JAZF1: variants seen among roughly 807,000 people sequenced by gnomAD.
JAZF1 encodes juxtaposed with another zinc finger protein 1.
Under a neutral mutation model 26.4 loss-of-function variants are expected in JAZF1, and 8 were observed. The observed-to-expected ratio is 0.30, with a 90% CI of 0.18 to 0.55. The LOEUF (loss-of-function observed/expected upper bound fraction) is 0.55, where lower values mean the gene tolerates loss of function less well. Ranked by LOEUF, JAZF1 falls within the 20% of genes least tolerant of loss-of-function variation. JAZF1 has a pLI of 0.94. For synonymous variants in JAZF1, 126 were observed against 122.3 expected, an observed-to-expected ratio of 1.03 and a Z score of -0.20; for missense variants, 199 against 322.0, an observed-to-expected ratio of 0.62 and a Z score of 2.92.
chr7:27,953,530 G>A (rs1785044040), intron 2 of JAZF1, among the ~76,000 whole-genome samples: 1 of 152,178 alleles, frequency 6.6e-6, no homozygotes, highest in East Asian at 1.9e-4. Context: ...GAGGGCAGTA[G>A]GCTTCAAAAG....
At chr7:28,018,116 T>C (rs556766534) in intron 1 of JAZF1, among the ~76,000 whole-genome samples, 8 of 152,120 alleles carry the variant, frequency 5.3e-5, no homozygotes, top group Non-Finnish European at 1.2e-4. Context: ...GGAAAAGCCT[T>C]TCCATGGAGA....
At chr7:28,173,598 G>A (rs1387018288) in intron 1 of JAZF1, among the ~76,000 whole-genome samples, 5 of 151,832 alleles carry the variant, frequency 3.3e-5, no homozygotes, top group Non-Finnish European at 5.9e-5. Flanking sequence ...TTATTAACCT[G>A]GCATCCAGAT....
chr7:28,065,205 T>G (rs1346397082), intron 1 of JAZF1, among the ~76,000 whole-genome samples: 2 of 152,112 alleles, frequency 1.3e-5, no homozygotes, highest in Non-Finnish European at 2.9e-5. Context: ...TGGTAGGTTT[T>G]AAATAGGAGA....
At chr7:27,981,574 A>C (rs38507) in intron 2 of JAZF1, among the ~76,000 whole-genome samples, 1 of 152,106 alleles carries the variant, frequency 6.6e-6, no homozygotes, top group African/African-American at 2.4e-5. Context: ...TACAGCTCTC[A>C]ATTAAAAAAT....
chr7:27,987,688 G>A (rs1361748488), intron 2 of JAZF1, among the ~76,000 whole-genome samples: 1 of 152,272 alleles, frequency 6.6e-6, no homozygotes, highest in African/African-American at 2.4e-5. Flanking sequence ...CCATCTGGGA[G>A]GTGTACCCAA....
chr7:28,036,782 G>C (rs1302170525), intron 1 of JAZF1, among the ~76,000 whole-genome samples: 1 of 152,234 alleles, frequency 6.6e-6, no homozygotes, highest in African/African-American at 2.4e-5. Flanking sequence ...TGGGATGTTG[G>C]GGGTGAGGCT....
intron 1 of JAZF1, among the ~76,000 whole-genome samples, chr7:28,121,186 G>GAAAAAAAAAAAAAAAAAA: frequency 1.5e-5 from 2 of 134,154 alleles, no homozygotes; most frequent in East Asian, 2.2e-4. Context: ...AGACTGTCTC[G>GAAAAAAAAAAAAAAAAAA]AAAAAAAAAG....
chr7:27,865,076 G>A (rs895993569), intron 3 of JAZF1, among the ~76,000 whole-genome samples: 1 of 152,162 alleles, frequency 6.6e-6, no homozygotes, highest in Non-Finnish European at 1.5e-5. Flanking sequence ...AGAGTATAAG[G>A]TGTGTTCATG....
chr7:27,931,195 G>A, intron 2 of JAZF1, among the ~76,000 whole-genome samples: 1 of 152,176 alleles, frequency 6.6e-6, no homozygotes, highest in South Asian at 2.1e-4. Flanking sequence ...GAGTATTTCT[G>A]CTGCAATGAC....
intron 1 of JAZF1, among the ~76,000 whole-genome samples, chr7:28,157,745 C>T (rs1400423318): frequency 6.6e-6 from 1 of 152,188 alleles, no homozygotes; most frequent in African/African-American, 2.4e-5. Flanking sequence ...CAATTGATTT[C>T]AGGGTCCCTG....
At chr7:28,045,200 T>C (rs1222817086) in intron 1 of JAZF1, among the ~76,000 whole-genome samples, 1 of 151,858 alleles carries the variant, frequency 6.6e-6, no homozygotes, top group Non-Finnish European at 1.5e-5. Flanking sequence ...GTGGTAGGAG[T>C]ATGTCTACAG....
At chr7:28,128,320 G>C (rs1340256211) in intron 1 of JAZF1, among the ~76,000 whole-genome samples, 2 of 152,138 alleles carry the variant, frequency 1.3e-5, no homozygotes, top group Non-Finnish European at 2.9e-5. Context: ...TCAGGAGTTT[G>C]AGACCAGCCT....
chr7:27,881,864 A>G (rs1783777553), intron 3 of JAZF1, among the ~76,000 whole-genome samples: 1 of 152,198 alleles, frequency 6.6e-6, no homozygotes, highest in Non-Finnish European at 1.5e-5. Flanking sequence ...ATACAGTGAC[A>G]CAGCTTATCT....
chr7:28,084,065 C>T (rs996529310), intron 1 of JAZF1, among the ~76,000 whole-genome samples: 1 of 152,082 alleles, frequency 6.6e-6, no homozygotes, highest in Admixed American at 6.5e-5. Context: ...TCAGGCATTA[C>T]AAACAATACT....
intron 1 of JAZF1, among the ~76,000 whole-genome samples, chr7:28,154,964 A>C (rs1340823795): frequency 6.6e-6 from 1 of 152,180 alleles, no homozygotes; most frequent in Non-Finnish European, 1.5e-5. Flanking sequence ...GTAAAAGCTT[A>C]GAAGTAGATA....
chr7:28,116,467 CAG>C (rs1311261167), intron 1 of JAZF1, among the ~76,000 whole-genome samples: 1 of 152,024 alleles, frequency 6.6e-6, no homozygotes, highest in East Asian at 1.9e-4. Flanking sequence ...TTTTTTCAGA[CAG>C]AGTCTCGCCC....
In JAZF1 at chr7:27,974,548, G is replaced by A. The variant is rs73683919; in HGVS notation, c.188+17361C>T. On this transcript the variant is annotated intron_variant, in intron 2 of 4. Transcript: ENST00000283928. ...ACAGGTCAGTCTTGAGGGTCCAGCC[G>A]AGGTTGGAAAGATTGCATTTGAAGT... is the stretch of plus-strand genomic sequence containing the variant. Among the ~76,000 whole-genome samples the A allele has an allele frequency of 8.2e-3, 1,250 of 152,288 alleles. 17 individuals carry two copies. The highest frequency in any genetic ancestry group is 0.028 in the African/African-American group (1,163 of 41,554).
chr7:27,933,236 T>C (rs769869005), intron 2 of JAZF1, among the ~76,000 whole-genome samples: 11 of 152,238 alleles, frequency 7.2e-5, no homozygotes, highest in Non-Finnish European at 1.5e-4. Context: ...GGATATATGA[T>C]GTGATATGAG....
chr7:28,024,111 C>A (rs1562562566), intron 1 of JAZF1, among the ~76,000 whole-genome samples: 2 of 150,924 alleles, frequency 1.3e-5, no homozygotes, highest in Admixed American at 6.6e-5. Flanking sequence ...CATAGCAAGA[C>A]CCATCTCTAA....
Sources: gnomAD v4.1 joint callset for allele counts (sites outside exome capture counted in the v4.1 genomes callset) on GRCh38, gnomAD v4.1.1 for gene constraint, MANE v1.5 for transcripts, NCBI Gene and HGNC (gene_info 2026-07-23, HGNC 2026-07-21) for gene names.